Variants in RAB28 observed in about 807,000 individuals in gnomAD.
RAB28 encodes the protein ras-related protein Rab-28.
Under a neutral mutation model 31.7 loss-of-function variants are expected in RAB28, and 24 were observed. That is an observed-to-expected ratio of 0.76 (90% CI 0.55 to 1.06). The LOEUF is 1.06. RAB28 is among the 50% of genes least tolerant of loss of function. RAB28 has a pLI of 0.00. For missense variants in RAB28, 254 were observed against 258.5 expected (o/e 0.98, Z 0.12); for synonymous variants, 100 against 90.4 (o/e 1.11, Z -0.60).
intron 4 of RAB28, among the ~76,000 whole-genome samples, chr4:13,409,797 T>G (rs141884290): frequency 2.6e-5 from 4 of 152,160 alleles, no homozygotes; most frequent in Non-Finnish European, 5.9e-5. Context: ...TGGAAACATA[T>G]TTCCACTTTA....
Position 13,368,454 on chromosome 4 carries a change from C to G in RAB28, c.*104G>C. The stretch of plus-strand genomic sequence containing the variant: ...AAGCAAGTTGGGAGTAAAGTGTTAA[C>G]TGAACTACAGAGATGGTCACTGATA... On this transcript the variant is annotated 3_prime_UTR_variant, in exon 7 of 7. Transcript: ENST00000330852. 7.3e-7 allele frequency: 1 copy of G among 1,370,626 alleles called. No individual in the cohort carries two copies. The highest frequency in any genetic ancestry group is 9.4e-7 in the Non-Finnish European group (1 of 1,059,220). 84.9% of individuals were successfully genotyped at this position (1,370,626 alleles called of 1,614,324 possible).
intron 4 of RAB28, among the ~76,000 whole-genome samples, chr4:13,414,320 G>A (rs1214279282): frequency 1.3e-5 from 2 of 152,196 alleles, no homozygotes; most frequent in African/African-American, 4.8e-5. Flanking sequence ...CACTTAAGCT[G>A]TAAGGGAAAG....
intron 4 of RAB28, among the ~76,000 whole-genome samples, chr4:13,402,226 G>A (rs781200495): frequency 4.6e-5 from 7 of 152,126 alleles, no homozygotes; most frequent in Non-Finnish European, 8.8e-5. Context: ...CAGATGGAAC[G>A]TTCTGTAAAT....
chr4:13,454,716 A>G (rs1455645536), intron 4 of RAB28, among the ~76,000 whole-genome samples: 2 of 152,168 alleles, frequency 1.3e-5, no homozygotes, highest in East Asian at 3.9e-4. Flanking sequence ...GGGTGCATAC[A>G]TGCACATGGT....
intron 2 of RAB28, among the ~76,000 whole-genome samples, chr4:13,476,708 T>A (rs766841810): frequency 6.6e-6 from 1 of 151,444 alleles, no homozygotes; most frequent in Non-Finnish European, 1.5e-5. Flanking sequence ...TATAAAGCTA[T>A]ATAAGAATAT....
At chr4:13,410,722 G>A (rs966282175) in intron 4 of RAB28, among the ~76,000 whole-genome samples, 1 of 152,018 alleles carries the variant, frequency 6.6e-6, no homozygotes, top group Admixed American at 6.6e-5. Context: ...GTGTGGTAGC[G>A]TTACAATCAA....
chr4:13,387,586 T>G (rs1311192014), intron 4 of RAB28, among the ~76,000 whole-genome samples: 1 of 152,024 alleles, frequency 6.6e-6, no homozygotes, highest in African/African-American at 2.4e-5. Context: ...AATTATACAG[T>G]GTGGAGGTTT....
chr4:13,476,986 T>C (rs1451915969), intron 2 of RAB28, among the ~76,000 whole-genome samples: 2 of 151,504 alleles, frequency 1.3e-5, no homozygotes, highest in East Asian at 3.9e-4. Flanking sequence ...GTGCCTTGGT[T>C]AACCTTACTT....
chr4:13,476,131 T>C (rs576678948), intron 2 of RAB28, among the ~76,000 whole-genome samples: 8 of 151,548 alleles, frequency 5.3e-5, no homozygotes, highest in Non-Finnish European at 1.2e-4. Flanking sequence ...TCAAGAAATA[T>C]AAAGCTTTTT....
At chr4:13,379,770 G>A (rs1472802904) in intron 5 of RAB28, among the ~76,000 whole-genome samples, 1 of 152,060 alleles carries the variant, frequency 6.6e-6, no homozygotes, top group Non-Finnish European at 1.5e-5. Flanking sequence ...CAAGGATACT[G>A]AAATCACTAA....
intron 3 of RAB28, among the ~76,000 whole-genome samples, chr4:13,468,688 C>G (rs1455546877): frequency 6.7e-6 from 1 of 149,372 alleles, no homozygotes; most frequent in Non-Finnish European, 1.5e-5. Flanking sequence ...CAGTCAAAAG[C>G]GAGTAGAAGA....
intron 4 of RAB28, among the ~76,000 whole-genome samples, chr4:13,452,251 G>GT (rs978603280): frequency 1.3e-5 from 2 of 151,418 alleles, no homozygotes; most frequent in East Asian, 1.9e-4. Flanking sequence ...ATTTTTGTTT[G>GT]TTTTTTTAGT....
At position 13,371,589 on chromosome 4, in the gene RAB28, T is replaced by C. The variant is rs557675964; in HGVS notation, c.574-2939A>G. 7.1e-6 allele frequency: 7 copies of C among 985,326 alleles called. No individual in the cohort carries two copies. The East Asian group carries it at 5.7e-4, about 80-fold the overall frequency. 61.0% of individuals were successfully genotyped at this position (985,326 alleles called of 1,614,324 possible). ...AAGACAGCATCATTCTCAGGGGCTTTGACTCTTTGACATAAAGCTTTGTAA... is the reference window on the plus strand; with the variant it reads ...AAGACAGCATCATTCTCAGGGGCTTCGACTCTTTGACATAAAGCTTTGTAA... On this transcript the variant is annotated intron_variant, in intron 6 of 6. Transcript: ENST00000330852.
intron 3 of RAB28, among the ~76,000 whole-genome samples, chr4:13,464,959 C>A (rs1340933075): frequency 3.3e-5 from 5 of 151,562 alleles, no homozygotes; most frequent in Admixed American, 1.3e-4. Context: ...GATAATAAAA[C>A]AAGGGATAAT....
At chr4:13,383,974 G>A (rs569892571) in intron 4 of RAB28, among the ~76,000 whole-genome samples, 156 of 152,230 alleles carry the variant, frequency 1.0e-3, no homozygotes, top group Middle Eastern at 3.4e-3. Context: ...GGATGTACTG[G>A]GGGTCCACAT....
intron 4 of RAB28, among the ~76,000 whole-genome samples, chr4:13,441,873 T>G (rs1180305843): frequency 6.6e-6 from 1 of 152,204 alleles, no homozygotes. Context: ...TAATGCTAAT[T>G]AACTGCCCCC....
At chr4:13,440,433 CAA>C (rs1047799095) in intron 4 of RAB28, among the ~76,000 whole-genome samples, 4 of 151,800 alleles carry the variant, frequency 2.6e-5, no homozygotes, top group African/African-American at 9.7e-5. Flanking sequence ...CTACTATTAT[CAA>C]AAAAGTTATT....
intron 3 of RAB28, among the ~76,000 whole-genome samples, chr4:13,465,754 A>AACACACAC (rs33979911): frequency 0.037 from 5,226 of 142,128 alleles, 170 homozygotes; most frequent in African/African-American, 0.083. Context: ...GGCAATCATG[A>AACACACAC]ACACACACAC....
At chr4:13,421,489 T>C (rs1440318768) in intron 4 of RAB28, among the ~76,000 whole-genome samples, 1 of 152,204 alleles carries the variant, frequency 6.6e-6, no homozygotes, top group African/African-American at 2.4e-5. Context: ...GGCATCATGC[T>C]ACCTGACTTC....
Sources: gnomAD v4.1 joint callset for allele counts (sites outside exome capture counted in the v4.1 genomes callset) on GRCh38, gnomAD v4.1.1 for gene constraint, MANE v1.5 for transcripts, NCBI Gene and HGNC (gene_info 2026-07-23, HGNC 2026-07-21) for gene names.